Variants in ARHGAP24 observed in about 807,000 individuals in gnomAD.
The protein encoded by ARHGAP24 is rho GTPase-activating protein 24.
Under a neutral mutation model 76.4 loss-of-function variants are expected in ARHGAP24, and 50 were observed. The observed-to-expected ratio is 0.65, with a 90% CI of 0.52 to 0.83. The LOEUF is 0.83. Ranked by LOEUF, ARHGAP24 falls within the 40% of genes least tolerant of loss-of-function variation. The probability of loss-of-function intolerance (pLI) is 0.00; values close to 1 mark genes in which losing one functional copy is unlikely to be tolerated. For synonymous variants in ARHGAP24, 345 were observed against 323.3 expected, an observed-to-expected ratio of 1.07 and a Z score of -0.72; for missense variants, 930 against 914.2, an observed-to-expected ratio of 1.02 and a Z score of -0.22.
intron 3 of ARHGAP24, among the ~76,000 whole-genome samples, chr4:85,784,488 G>T (rs1455273895): frequency 6.6e-6 from 1 of 151,964 alleles, no homozygotes; most frequent in Non-Finnish European, 1.5e-5. Flanking sequence ...CCCTTTGTGC[G>T]AGTTGTAACA....
chr4:85,818,463 G>A (rs577522014), intron 3 of ARHGAP24, among the ~76,000 whole-genome samples: 3 of 152,294 alleles, frequency 2.0e-5, no homozygotes, highest in East Asian at 3.9e-4. Context: ...CTTCAGAAAC[G>A]TGGTGAAGAA....
intron 3 of ARHGAP24, among the ~76,000 whole-genome samples, chr4:85,731,015 CACACACACACACAGAG>C (rs1725380339): frequency 7.4e-6 from 1 of 135,212 alleles, no homozygotes; most frequent in South Asian, 2.9e-4. Flanking sequence ...CACACACACA[CACACACACACACAGAG>C]AGAGAGACTG....
rs73833405 is a variant in ARHGAP24 at position 85,731,125 on chromosome 4, G to T, written c.268+9153G>T. 9.9e-3 allele frequency among the ~76,000 whole-genome samples: 1,505 copies of T among 151,434 alleles called. 28 individuals carry two copies. Among genetic ancestry groups the T allele is most frequent in the African/African-American group, 0.034 (1,402 of 41,188 alleles). ...GTACAAATTCACATTTTTAATAAGTGGTAAAGCCAGGATTCACACCCATCT... is the reference window on the plus strand; with the variant it reads ...GTACAAATTCACATTTTTAATAAGTTGTAAAGCCAGGATTCACACCCATCT... On this transcript the variant is annotated intron_variant, in intron 3 of 9. Coordinates refer to ENST00000395184, the MANE Select transcript of ARHGAP24 (RefSeq NM_001025616.3).
intron 3 of ARHGAP24, among the ~76,000 whole-genome samples, chr4:85,831,415 T>A (rs974793579): frequency 6.6e-6 from 1 of 152,208 alleles, no homozygotes; most frequent in Admixed American, 6.5e-5. Context: ...TATATTAAAA[T>A]CAATAAAAAG....
At chr4:85,670,328 A>G (rs1055680961) in intron 2 of ARHGAP24, among the ~76,000 whole-genome samples, 1 of 152,352 alleles carries the variant, frequency 6.6e-6, no homozygotes, top group Non-Finnish European at 1.5e-5. Flanking sequence ...TTAGAATTAC[A>G]TCTTGCCCAT....
At chr4:85,675,570 C>T (rs368266354) in intron 2 of ARHGAP24, among the ~76,000 whole-genome samples, 6 of 152,238 alleles carry the variant, frequency 3.9e-5, no homozygotes, top group African/African-American at 9.6e-5. Flanking sequence ...AAAGATTTCC[C>T]GTAACATTTA....
intron 3 of ARHGAP24, among the ~76,000 whole-genome samples, chr4:85,888,141 G>A (rs1458254194): frequency 3.3e-5 from 5 of 152,056 alleles, no homozygotes; most frequent in South Asian, 2.1e-4. Flanking sequence ...GGTGGCTTAC[G>A]CCTGTAATCC....
At chr4:85,704,367 T>A (rs529130740) in intron 2 of ARHGAP24, among the ~76,000 whole-genome samples, 5 of 152,334 alleles carry the variant, frequency 3.3e-5, no homozygotes, top group Admixed American at 3.3e-4. Context: ...TGAGAATGTG[T>A]TGAAGTCTTG....
chr4:85,555,638 T>A (rs565689236), intron 1 of ARHGAP24, among the ~76,000 whole-genome samples: 1 of 152,336 alleles, frequency 6.6e-6, no homozygotes, highest in African/African-American at 2.4e-5. Flanking sequence ...ACTGCAGCCC[T>A]GGGTGAGCTC....
intron 4 of ARHGAP24, among the ~76,000 whole-genome samples, chr4:85,927,374 G>A (rs1372451970): frequency 2.0e-5 from 3 of 152,040 alleles, no homozygotes; most frequent in African/African-American, 4.8e-5. Context: ...AAAAGATACA[G>A]GGTTTATTTT....
At chr4:85,599,671 A>AT (rs371489635) in intron 2 of ARHGAP24, among the ~76,000 whole-genome samples, 1 of 151,740 alleles carries the variant, frequency 6.6e-6, no homozygotes, top group African/African-American at 2.4e-5. Context: ...CTATTAAATT[A>AT]TTTTTTTTTT....
Position 85,542,918 on chromosome 4 carries a change from G to GATTATGT in ARHGAP24, c.-20-27604_-20-27603insATTATGT, listed in dbSNP as rs1560526126. On this transcript the variant is annotated intron_variant, in intron 1 of 9. Coordinates refer to ENST00000395184, the MANE Select transcript of ARHGAP24 (RefSeq NM_001025616.3). Reference sequence around the variant, plus strand: ...GATAATAATAGCATCTATTTAACGGGGTTATTGTGAGGATTATGTGAGTTA... The same window carrying GATTATGT: ...GATAATAATAGCATCTATTTAACGGGATTATGTGTTATTGTGAGGATTATGTGAGTTA... Among the ~76,000 whole-genome samples, 267 of 152,216 alleles carry GATTATGT rather than the reference G, an allele frequency of 1.8e-3. 1 individual carries two copies. The highest frequency in any genetic ancestry group is 6.0e-3 in the African/African-American group (248 of 41,534).
At chr4:85,911,719 A>G (rs1355273983) in intron 3 of ARHGAP24, among the ~76,000 whole-genome samples, 1 of 152,172 alleles carries the variant, frequency 6.6e-6, no homozygotes, top group African/African-American at 2.4e-5. Flanking sequence ...TCCCTAAATT[A>G]TTCTCATTTG....
chr4:85,966,280 T>C (rs1738595931), intron 5 of ARHGAP24, among the ~76,000 whole-genome samples: 1 of 152,154 alleles, frequency 6.6e-6, no homozygotes, highest in Non-Finnish European at 1.5e-5. Flanking sequence ...GTTAGGGCTT[T>C]GATGTACGAA....
intron 1 of ARHGAP24, among the ~76,000 whole-genome samples, chr4:85,514,378 C>G (rs1329731600): frequency 6.6e-6 from 1 of 151,878 alleles, no homozygotes; most frequent in African/African-American, 2.4e-5. Context: ...CTTTAATCTA[C>G]TTTCACTTTC....
At chr4:85,510,591 TC>T (rs1724238508) in intron 1 of ARHGAP24, among the ~76,000 whole-genome samples, 1 of 127,950 alleles carries the variant, frequency 7.8e-6, no homozygotes. Flanking sequence ...CTCCCCTCTC[TC>T]CCCCTTGTCT....
intron 1 of ARHGAP24, among the ~76,000 whole-genome samples, chr4:85,533,524 T>C (rs1308217934): frequency 6.6e-6 from 1 of 152,202 alleles, no homozygotes; most frequent in Non-Finnish European, 1.5e-5. Flanking sequence ...ATTCCATGCC[T>C]TTGGGAATGT....
At chr4:85,936,723 G>A (rs1372582359) in intron 4 of ARHGAP24, among the ~76,000 whole-genome samples, 2 of 152,108 alleles carry the variant, frequency 1.3e-5, no homozygotes, top group Non-Finnish European at 2.9e-5. Flanking sequence ...CTAGAGTAGG[G>A]GATGAGGCAA....
chr4:85,828,531 A>T (rs372466542), intron 3 of ARHGAP24, among the ~76,000 whole-genome samples: 126 of 121,576 alleles, frequency 1.0e-3, no homozygotes, highest in Non-Finnish European at 1.8e-3. Context: ...TTTTTTTTAA[A>T]AAAAGCCAAA....
Sources: gnomAD v4.1 joint callset for allele counts (sites outside exome capture counted in the v4.1 genomes callset) on GRCh38, gnomAD v4.1.1 for gene constraint, MANE v1.5 for transcripts, NCBI Gene and HGNC (gene_info 2026-07-23, HGNC 2026-07-21) for gene names.